Variants in PCGF3 observed in about 807,000 individuals in gnomAD.
PCGF3 encodes polycomb group RING finger protein 3.
A neutral mutation model predicts 33.1 loss-of-function variants in PCGF3; 7 were observed. The ratio of observed to expected loss-of-function variants is 0.21; its 90% CI spans 0.12 to 0.40. PCGF3 has a LOEUF of 0.40. Ranked by LOEUF, PCGF3 falls within the 10% of genes least tolerant of loss-of-function variation. The pLI is 1.00. For synonymous variants in PCGF3, 153 were observed against 121.3 expected, an observed-to-expected ratio of 1.26 and a Z score of -1.72; for missense variants, 211 against 313.3, an observed-to-expected ratio of 0.67 and a Z score of 2.46.
intron 1 of PCGF3, among the ~76,000 whole-genome samples, chr4:710,696 T>G (rs535875173): frequency 6.6e-6 from 1 of 152,298 alleles, no homozygotes; most frequent in African/African-American, 2.4e-5. Context: ...ATAGAAAAGA[T>G]TCTTAGGAAT....
rs1745232715 is a variant in PCGF3 at position 764,235 on chromosome 4, G to GAAC, written c.601-748_601-746dup. Among the ~76,000 whole-genome samples the GAAC allele has an allele frequency of 3.3e-5, 5 of 152,338 alleles. 1 individual carries two copies. In the South Asian group the frequency reaches 1.0e-3, roughly 32 times the overall value. On this transcript the variant is annotated intron_variant, in intron 9 of 10. Transcript: ENST00000362003. ...GGCAGGGGGGTTCCAAGGGGGACGG[G>GAAC]AACTCCCTGTACCTTCCTCTCAATT...
chr4:726,119 C>T (rs183828659), intron 1 of PCGF3, among the ~76,000 whole-genome samples: 6 of 152,318 alleles, frequency 3.9e-5, no homozygotes, highest in African/African-American at 9.6e-5. Context: ...CTCGTGGGTG[C>T]GCACCTGGCC....
intron 1 of PCGF3, among the ~76,000 whole-genome samples, chr4:723,032 G>T (rs1418138152): frequency 1.4e-5 from 2 of 140,660 alleles, no homozygotes; most frequent in African/African-American, 2.7e-5. Flanking sequence ...TCCACGCCGG[G>T]TCCACACTCA....
At chr4:755,533 G>A (rs1329794927) in intron 8 of PCGF3, among the ~76,000 whole-genome samples, 2 of 152,084 alleles carry the variant, frequency 1.3e-5, no homozygotes, top group African/African-American at 2.4e-5. Flanking sequence ...ATCATCCACA[G>A]TTTTAAAATT....
intron 10 of PCGF3, 139 bp from the exon 11 acceptor site, chr4:765,892 AG>A (rs1745343023): frequency 1.4e-6 from 1 of 716,476 alleles, no homozygotes; most frequent in East Asian, 2.6e-5. Flanking sequence ...TCTGTTGCTC[AG>A]AACAGAAGGG....
chr4:729,113 A>C (rs1235532918), intron 1 of PCGF3, among the ~76,000 whole-genome samples: 3 of 146,918 alleles, frequency 2.0e-5, no homozygotes, highest in Non-Finnish European at 4.6e-5. Flanking sequence ...AAAAAAAAAA[A>C]AAAAAAAAAA....
At chr4:753,478 C>A (rs547237999) in intron 8 of PCGF3, among the ~76,000 whole-genome samples, 25 of 152,046 alleles carry the variant, frequency 1.6e-4, no homozygotes, top group African/African-American at 6.0e-4. Flanking sequence ...CACAGTGAAA[C>A]CCCATCTCTA....
rs575641677 is a variant in PCGF3, at chr4:726,065, G to A, written c.-189-4565G>A. Among the ~76,000 whole-genome samples, 109 of 152,306 alleles carry A rather than the reference G, an allele frequency of 7.2e-4. 3 individuals carry two copies. In the South Asian group the frequency reaches 0.022, roughly 31 times the overall value. On this transcript the variant is annotated intron_variant, in intron 1 of 10. Coordinates refer to ENST00000362003, the Ensembl canonical transcript of PCGF3. ...CAGGCCACCAGCAGTGGGCAGCCGC[G>A]GGCGGGATGGGCTGTGGGGCAGAGG...
chr4:768,893 C>T (rs1157623367), exon 11 of PCGF3: 2 of 152,496 alleles, frequency 1.3e-5, no homozygotes, highest in Admixed American at 6.6e-5. Flanking sequence ...TGCTTTTGTG[C>T]AATAGGTTCC....
chr4:765,098 C>T (rs1204900115), intron 10 of PCGF3, 34 bp downstream of exon 10: 5 of 1,454,638 alleles, frequency 3.4e-6, no homozygotes, highest in Non-Finnish European at 4.8e-6. Context: ...AGAGTCTGCT[C>T]TGAATGGCAG....
At chr4:714,290 C>T (rs550082243) in intron 1 of PCGF3, among the ~76,000 whole-genome samples, 8 of 152,320 alleles carry the variant, frequency 5.3e-5, no homozygotes, top group South Asian at 2.1e-4. Flanking sequence ...CAGACCAGGA[C>T]GGCACCCTCT....
chr4:726,884 C>T lies in PCGF3; in HGVS notation c.-189-3746C>T, dbSNP rs976948418. ...TTGCCGGCAGTGCTGGCCCAGAGCT[C>T]GGTCCCCGCAGGCCTCCCTCAGGTC... On this transcript the variant is annotated intron_variant, in intron 1 of 10. Coordinates refer to ENST00000362003, the Ensembl canonical transcript of PCGF3. 3.3e-5 allele frequency among the ~76,000 whole-genome samples: 5 copies of T among 152,212 alleles called. No homozygotes were observed. In the South Asian group the frequency reaches 8.3e-4, roughly 25 times the overall value.
At chr4:742,415 T>C (rs992374165) in intron 6 of PCGF3, among the ~76,000 whole-genome samples, 2 of 152,156 alleles carry the variant, frequency 1.3e-5, no homozygotes, top group Non-Finnish European at 2.9e-5. Context: ...GAGGAAATCG[T>C]GGATAAAAAG....
intron 6 of PCGF3, among the ~76,000 whole-genome samples, chr4:740,297 G>T (rs1744030535): frequency 6.6e-6 from 1 of 152,266 alleles, no homozygotes; most frequent in African/African-American, 2.4e-5. Flanking sequence ...CATGGTGGGG[G>T]CTTGCTGGAA....
At chr4:735,666 A>G (rs1446221674) in intron 5 of PCGF3, among the ~76,000 whole-genome samples, 1 of 152,258 alleles carries the variant, frequency 6.6e-6, no homozygotes, top group East Asian at 1.9e-4. Flanking sequence ...CGGCCCTTGG[A>G]TACCCCTTTC....
chr4:762,215 G>C, intron 9 of PCGF3: 1 of 530,962 alleles, frequency 1.9e-6, no homozygotes, highest in Non-Finnish European at 2.4e-6. Context: ...AGGATTTTGG[G>C]ATGAAATAAT....
intron 8 of PCGF3, among the ~76,000 whole-genome samples, chr4:747,985 C>T (rs1438587357): frequency 6.6e-6 from 1 of 152,070 alleles, no homozygotes; most frequent in Non-Finnish European, 1.5e-5. Flanking sequence ...CCATGGCCCA[C>T]GTTTTGTGCC....
At chr4:760,051 A>AC (rs1254494600) in intron 8 of PCGF3, among the ~76,000 whole-genome samples, 73 of 151,912 alleles carry the variant, frequency 4.8e-4, no homozygotes, top group Admixed American at 4.8e-3. Flanking sequence ...GCTCCATCCC[A>AC]CCCCGGAGCA....
intron 3 of PCGF3, among the ~76,000 whole-genome samples, chr4:732,850 C>T (rs1412080690): frequency 6.6e-6 from 1 of 152,246 alleles, no homozygotes; most frequent in Non-Finnish European, 1.5e-5. Flanking sequence ...CCTCCGCACG[C>T]GGAGCGGCCC....
Sources: allele counts gnomAD v4.1 joint callset (sites outside exome capture counted in the v4.1 genomes callset), GRCh38; gene constraint gnomAD v4.1.1; transcripts MANE v1.5; gene names NCBI Gene and HGNC (gene_info 2026-07-23, HGNC 2026-07-21).